The following CNBD1 variants were observed in gnomAD, a reference collection of about 807,000 sequenced individuals.
The protein encoded by CNBD1 is cyclic nucleotide-binding domain-containing protein 1.
CNBD1 carries 71 observed loss-of-function variants against 54.4 expected under a neutral mutation model. That is an observed-to-expected ratio of 1.30 (90% CI 1.08 to 1.59). The LOEUF is 1.59. Among genes scored for constraint, CNBD1 ranks in the 40% most tolerant of loss-of-function variants. CNBD1 has a pLI of 0.00. For synonymous variants in CNBD1, 182 were observed against 170.7 expected, an observed-to-expected ratio of 1.07 and a Z score of -0.51; for missense variants, 659 against 518.0, an observed-to-expected ratio of 1.27 and a Z score of -2.64.
intron 4 of CNBD1, 49 bp from the exon 5 acceptor site, chr8:87,205,944 T>G: frequency 7.3e-7 from 1 of 1,368,026 alleles, no homozygotes; most frequent in Non-Finnish European, 9.5e-7. Flanking sequence ...GTTTGTTTCT[T>G]TGCATTTATG....
At chr8:87,284,907 T>C in intron 7 of CNBD1, 92 bp downstream of exon 7, 1 of 925,568 alleles carries the variant, frequency 1.1e-6, no homozygotes, top group South Asian at 2.2e-5. Flanking sequence ...CTATATCTGT[T>C]TTATTTTTAA....
chr8:86,938,456 T>A (rs1809590099), intron 3 of CNBD1, among the ~76,000 whole-genome samples: 1 of 150,252 alleles, frequency 6.7e-6, no homozygotes, highest in South Asian at 2.1e-4. Context: ...ACTGGGAAAT[T>A]TATAAAGGAA....
intron 2 of CNBD1, among the ~76,000 whole-genome samples, chr8:86,894,435 A>G (rs931437914): frequency 6.6e-5 from 10 of 152,038 alleles, no homozygotes; most frequent in Non-Finnish European, 1.0e-4. Flanking sequence ...ACATACCTTG[A>G]CCCCTCCTTC....
chr8:87,354,545 A>C (rs1383620808), intron 10 of CNBD1, among the ~76,000 whole-genome samples: 1 of 151,804 alleles, frequency 6.6e-6, no homozygotes, highest in Non-Finnish European at 1.5e-5. Context: ...TCCTATTGCT[A>C]TCCCTCCCCC....
At chr8:86,920,212 A>G (rs1026834803) in intron 3 of CNBD1, among the ~76,000 whole-genome samples, 12 of 152,208 alleles carry the variant, frequency 7.9e-5, no homozygotes, top group Admixed American at 3.9e-4. Flanking sequence ...CTTAATGTGC[A>G]TAGCATGTCT....
intron 4 of CNBD1, among the ~76,000 whole-genome samples, chr8:87,065,554 C>T (rs1440640097): frequency 6.6e-6 from 1 of 151,828 alleles, no homozygotes; most frequent in Non-Finnish European, 1.5e-5. Flanking sequence ...AGGAACCAAA[C>T]CAATTTGTGG....
In CNBD1 at chr8:87,050,566, G is replaced by A. The variant is rs78435191; in HGVS notation, c.431+110812G>A. ...AGGCAGCACTGTCCAGGTTAGTTGG[G>A]CAGTCTGGCCAGAGGGATCTTTGAA... On this transcript the variant is annotated intron_variant, in intron 4 of 10. Transcript: ENST00000518476. Among the ~76,000 whole-genome samples the A allele has an allele frequency of 7.6e-3, 1,158 of 152,332 alleles. 17 individuals carry two copies. Among genetic ancestry groups the A allele is most frequent in the African/African-American group, 0.026 (1,085 of 41,576 alleles).
At chr8:87,413,163 C>A (rs1807777474) in intron 2 of CNBD1, among the ~76,000 whole-genome samples, 1 of 151,942 alleles carries the variant, frequency 6.6e-6, no homozygotes, top group Non-Finnish European at 1.5e-5. Flanking sequence ...GGGAACGTGG[C>A]TTGTGGATGA....
intron 8 of CNBD1, among the ~76,000 whole-genome samples, chr8:87,327,611 C>G (rs866058976): frequency 6.6e-6 from 1 of 152,188 alleles, no homozygotes; most frequent in Non-Finnish European, 1.5e-5. Flanking sequence ...AAGGGAACTC[C>G]CTGACCCCTT....
chr8:87,181,338 T>C (rs1362322653), intron 4 of CNBD1, among the ~76,000 whole-genome samples: 2 of 152,188 alleles, frequency 1.3e-5, no homozygotes. Flanking sequence ...GTATATAATA[T>C]ACAAATAACA....
intron 2 of CNBD1, among the ~76,000 whole-genome samples, chr8:87,407,750 A>G (rs560979216): frequency 1.3e-5 from 2 of 152,186 alleles, no homozygotes; most frequent in South Asian, 4.1e-4. Flanking sequence ...GCAGAATAAT[A>G]AGGTTAAACA....
At chr8:87,369,879 C>G (rs947131569) in intron 10 of CNBD1, among the ~76,000 whole-genome samples, 4 of 151,892 alleles carry the variant, frequency 2.6e-5, no homozygotes, top group African/African-American at 9.7e-5. Flanking sequence ...CCTCCCCACT[C>G]CCCCGACCCC....
chr8:87,238,992 A>G (rs1807635867), intron 6 of CNBD1, among the ~76,000 whole-genome samples: 1 of 152,040 alleles, frequency 6.6e-6, no homozygotes, highest in Non-Finnish European at 1.5e-5. Flanking sequence ...TTCTACTAGT[A>G]CCTAATGCCT....
At chr8:86,908,704 G>T (rs1242387372) in intron 3 of CNBD1, among the ~76,000 whole-genome samples, 2 of 151,962 alleles carry the variant, frequency 1.3e-5, no homozygotes, top group Non-Finnish European at 2.9e-5. Context: ...TATGTTTAAA[G>T]GGGGCTGTGA....
chr8:87,375,799 T>C (rs183032358), intron 10 of CNBD1, among the ~76,000 whole-genome samples: 20 of 151,952 alleles, frequency 1.3e-4, no homozygotes, highest in Non-Finnish European at 2.4e-4. Flanking sequence ...CAAGTTCTTT[T>C]GCAAAGGTAC....
intron 2 of CNBD1, among the ~76,000 whole-genome samples, chr8:87,400,108 A>C (rs959074923): frequency 6.6e-6 from 1 of 151,880 alleles, no homozygotes; most frequent in African/African-American, 2.4e-5. Context: ...CTTGAGCCTC[A>C]CCTTTTGTTC....
chr8:87,400,793 T>G (rs887993192), intron 2 of CNBD1, among the ~76,000 whole-genome samples: 4 of 152,018 alleles, frequency 2.6e-5, no homozygotes, highest in African/African-American at 7.2e-5. Flanking sequence ...TCTAAACTCT[T>G]AAACCTCTTG....
intron 10 of CNBD1, among the ~76,000 whole-genome samples, chr8:87,373,871 AAT>A (rs781015236): frequency 1.1e-3 from 167 of 151,958 alleles, no homozygotes; most frequent in South Asian, 3.5e-3. Context: ...TGCCTGTACA[AAT>A]GTAATTTTAT....
chr8:87,396,707 A>G (rs551616376), intron 2 of CNBD1, among the ~76,000 whole-genome samples: 6 of 151,698 alleles, frequency 4.0e-5, no homozygotes, highest in African/African-American at 1.4e-4. Flanking sequence ...TATTAATTTT[A>G]TCATATCAGT....
Sources: allele counts gnomAD v4.1 joint callset (sites outside exome capture counted in the v4.1 genomes callset), GRCh38; gene constraint gnomAD v4.1.1; transcripts MANE v1.5; gene names NCBI Gene and HGNC (gene_info 2026-07-23, HGNC 2026-07-21).